Variants in DCAF4 observed in about 807,000 individuals in gnomAD.
The protein encoded by DCAF4 is DDB1 and CUL4 associated factor 4.
A neutral mutation model predicts 60.9 loss-of-function variants in DCAF4; 37 were observed. That is an observed-to-expected ratio of 0.61 (90% CI 0.47 to 0.80). DCAF4 has a LOEUF of 0.80. DCAF4 is among the 30% of genes least tolerant of loss of function. The pLI, the probability that DCAF4 is intolerant of heterozygous loss-of-function variation, is 0.00. For missense variants in DCAF4, 577 were observed against 650.0 expected (o/e 0.89, Z 1.22); for synonymous variants, 243 against 254.8 (o/e 0.95, Z 0.44).
intron 8 of DCAF4, among the ~76,000 whole-genome samples, chr14:72,949,762 AT>A (rs904156160): frequency 3.3e-5 from 5 of 152,368 alleles, no homozygotes; most frequent in African/African-American, 1.2e-4. Flanking sequence ...ATCTCAAAAA[AT>A]GTATATAAAA....
At chr14:72,958,477 G>C (rs1892576936) in intron 13 of DCAF4, 135 bp from the exon 14 acceptor site, 1 of 1,002,088 alleles carries the variant, frequency 1.0e-6, no homozygotes, top group Non-Finnish European at 1.5e-6. Flanking sequence ...TAGAAATACT[G>C]TCCGTTAATG....
chr14:72,933,957 A>T (rs138346865), intron 1 of DCAF4, among the ~76,000 whole-genome samples: 2 of 152,228 alleles, frequency 1.3e-5, no homozygotes, highest in Admixed American at 6.5e-5. Flanking sequence ...TGCAGTTCTT[A>T]CTTGTCACCC....
chr14:72,950,440 A>G (rs1891264058), intron 8 of DCAF4, among the ~76,000 whole-genome samples: 1 of 152,174 alleles, frequency 6.6e-6, no homozygotes, highest in Non-Finnish European at 1.5e-5. Context: ...TTTCCATCAG[A>G]TTTAGAAACC....
At chr14:72,956,942 G>C (rs1321466380) in intron 13 of DCAF4, 1 of 212,882 alleles carries the variant, frequency 4.7e-6, no homozygotes, top group East Asian at 1.6e-4. Flanking sequence ...GCCCGGCGCG[G>C]TGGCTCACGC....
At chr14:72,946,607 T>C (rs1890771763) in intron 7 of DCAF4, among the ~76,000 whole-genome samples, 1 of 151,986 alleles carries the variant, frequency 6.6e-6, no homozygotes, top group Non-Finnish European at 1.5e-5. Context: ...TCCTTGGAAA[T>C]GGGCGACAGT....
At position 72,959,422 on chromosome 14, in the gene DCAF4, A is replaced by G. The variant is rs1892693031; in HGVS notation, c.*617A>G. ...GGAAAGATGGATCTTCTTACATGCT[A>G]GAAGTTTTAAACGGTCCTTAACATG... On this transcript the variant is annotated 3_prime_UTR_variant, in exon 14 of 14. Transcript: ENST00000358377. 9 of 985,402 alleles carry G rather than the reference A, an allele frequency of 9.1e-6. No individual in the cohort carries two copies. Among genetic ancestry groups the G allele is most frequent in the South Asian group, 9.4e-5 (2 of 21,294 alleles). The allele number at this position is 985,402 out of a possible 1,614,324, so 61.0% of individuals were successfully genotyped here.
intron 1 of DCAF4, among the ~76,000 whole-genome samples, chr14:72,929,137 C>T (rs932677222): frequency 6.7e-6 from 1 of 150,298 alleles, no homozygotes; most frequent in African/African-American, 2.4e-5. Context: ...CGCCCGGCCT[C>T]CTCTGGGCCT....
chr14:72,927,646 C>G (rs1225401768), intron 1 of DCAF4, among the ~76,000 whole-genome samples: 4 of 151,940 alleles, frequency 2.6e-5, no homozygotes, highest in Admixed American at 6.6e-5. Context: ...CCACCGCGCC[C>G]GGCCTGAGGT....
At chr14:72,953,812 G>A (rs191199848) in intron 9 of DCAF4, among the ~76,000 whole-genome samples, 2,900 of 116,376 alleles carry the variant, frequency 0.025, 352 homozygotes, top group Middle Eastern at 0.06. Context: ...GTGTGTGTGT[G>A]TGTGTGTGTG....
At chr14:72,953,621 G>A (rs141487126) in intron 9 of DCAF4, among the ~76,000 whole-genome samples, 11,293 of 144,572 alleles carry the variant, frequency 0.078, 624 homozygotes, top group South Asian at 0.2. Context: ...GAGATGGGAG[G>A]ATTCCTTGAG....
chr14:72,942,910 CG>C, intron 5 of DCAF4, 83 bp from the exon 6 acceptor site: 1 of 1,237,452 alleles, frequency 8.1e-7, no homozygotes. Context: ...TGGGCGTCAG[CG>C]GGGCAGGGAA....
Position 72,937,368 on chromosome 14 carries a change from G to T in DCAF4, c.-8-603G>T, listed in dbSNP as rs1013966164. Among the ~76,000 whole-genome samples the T allele has an allele frequency of 2.0e-5, 3 of 151,748 alleles. No individual in the cohort carries two copies. The East Asian group carries it at 5.8e-4, about 29-fold the overall frequency. ...AAAGGCAGGTATTTGTGGAGCAGAAGGGAGTGAAGTTAGGGGTTTCATGCC... is the reference window on the plus strand; with the variant it reads ...AAAGGCAGGTATTTGTGGAGCAGAATGGAGTGAAGTTAGGGGTTTCATGCC... On this transcript the variant is annotated intron_variant, in intron 1 of 13. Transcript: ENST00000358377.
Position 72,938,014 on chromosome 14 carries a change from TG to T in DCAF4, c.39del (p.Arg14GlufsTer78), listed in dbSNP as rs765146992. The part of the protein sequence containing the change: ...KSRWQSRRRH[G>X]RRSHQQNPWF... ...GTCGCTGGCAGAGTAGAAGACGACA[TG>T]GGAGAAGAAGCCACCAGCAGAACCC... On this transcript the variant is annotated frameshift_variant, in exon 2 of 14. Transcript: ENST00000358377. LOFTEE classifies it high-confidence loss of function. 28 of 1,609,856 alleles carry T rather than the reference TG, an allele frequency of 1.7e-5. No individual in the cohort carries two copies. Among genetic ancestry groups the T allele is most frequent in the Non-Finnish European group, 2.3e-5 (27 of 1,178,932 alleles).
chr14:72,945,881 C>T lies in DCAF4; in HGVS notation c.535-3C>T. On this transcript the variant is annotated splice_polypyrimidine_tract_variant and splice_region_variant and intron_variant, in intron 6 of 13. Transcript: ENST00000358377. ...TCACCCACTGCCCCCTTCCCTTCTC[C>T]AGGCAGATACCAACAGTGACCGGCT... 1 of 1,614,192 alleles carries T rather than the reference C, an allele frequency of 6.2e-7. No individual in the cohort carries two copies. The highest frequency in any genetic ancestry group is 8.5e-7 in the Non-Finnish European group (1 of 1,180,036).
intron 12 of DCAF4, among the ~76,000 whole-genome samples, chr14:72,955,914 CTTTTTTTT>C (rs71109770): frequency 3.7e-5 from 2 of 54,726 alleles, no homozygotes; most frequent in African/African-American, 7.2e-5. Context: ...TGGTTATGTC[CTTTTTTTT>C]TTTTTTTTTT....
In DCAF4 at chr14:72,945,902, C is replaced by T. The variant is rs894555915; in HGVS notation, c.553C>T (p.Arg185Trp). The change falls in exon 7 of 14, where the codon CGG (arginine) becomes TGG (tryptophan). Residue 185 changes from arginine to tryptophan, a missense_variant. Arg to Trp is a moderately radical substitution (Grantham distance 101). Transcript: ENST00000358377. ...NLILADTNSDRLFTVNDVKVG... is the reference protein window; with the variant it reads ...NLILADTNSDWLFTVNDVKVG... ...TCTCCAGGCAGATACCAACAGTGAC[C>T]GGCTCTTCACAGTGAACGATGTTAA... The T allele has an allele frequency of 3.7e-6, 6 of 1,614,048 alleles. No homozygotes were observed. The highest frequency in any genetic ancestry group is 2.7e-5 in the African/African-American group (2 of 74,916).
rs140545069 is a variant in DCAF4, at chr14:72,951,628, A to G, written c.729-170A>G. On this transcript the variant is annotated intron_variant, in intron 8 of 13. Coordinates refer to ENST00000358377, the MANE Select transcript of DCAF4 (RefSeq NM_015604.4). ...CTCCGTCTCAAAAACAAACAAACAAAAAAAAAACATCTGAAGGTAAATGTG... is the reference window on the plus strand; with the variant it reads ...CTCCGTCTCAAAAACAAACAAACAAGAAAAAAACATCTGAAGGTAAATGTG... Among the ~76,000 whole-genome samples, 162 of 152,238 alleles carry G rather than the reference A, an allele frequency of 1.1e-3. 1 individual carries two copies. The highest frequency in any genetic ancestry group is 3.6e-3 in the African/African-American group (150 of 41,552).
chr14:72,950,949 G>T (rs1462027233), intron 8 of DCAF4, among the ~76,000 whole-genome samples: 3 of 152,082 alleles, frequency 2.0e-5, no homozygotes, highest in African/African-American at 4.8e-5. Context: ...AATTGGACTA[G>T]GGAGGGATCA....
chr14:72,949,266 C>T (rs993872026), intron 8 of DCAF4, among the ~76,000 whole-genome samples: 1 of 151,792 alleles, frequency 6.6e-6, no homozygotes, highest in Non-Finnish European at 1.5e-5. Context: ...CTGGGCAATA[C>T]AGAAAGACCT....
Sources: gnomAD v4.1 joint callset for allele counts (sites outside exome capture counted in the v4.1 genomes callset) on GRCh38, gnomAD v4.1.1 for gene constraint, MANE v1.5 for transcripts, NCBI Gene and HGNC (gene_info 2026-07-23, HGNC 2026-07-21) for gene names.